The following STK32A variants were observed in gnomAD, a reference collection of about 807,000 sequenced individuals.
The protein encoded by STK32A is serine/threonine kinase 32A.
In STK32A, 41 loss-of-function variants were observed where a neutral mutation model predicts 53.2. That is an observed-to-expected ratio of 0.77 (90% CI 0.60 to 1.00). The LOEUF (loss-of-function observed/expected upper bound fraction) is 1.00, where lower values mean the gene tolerates loss of function less well. Among genes scored for constraint, STK32A ranks in the 50% least tolerant of loss-of-function variants. The pLI is 0.00. For synonymous variants in STK32A, 166 were observed against 162.8 expected (o/e 1.02, Z -0.15); for missense variants, 458 against 485.8 (o/e 0.94, Z 0.54).
chr5:147,301,877 C>T (rs576312746), intron 4 of STK32A, among the ~76,000 whole-genome samples: 1 of 152,308 alleles, frequency 6.6e-6, no homozygotes, highest in East Asian at 1.9e-4. Context: ...TTGAGGCTGC[C>T]TGTATTCTCG....
intron 2 of STK32A, among the ~76,000 whole-genome samples, chr5:147,263,858 G>T (rs73794341): frequency 6.6e-6 from 1 of 152,060 alleles, no homozygotes; most frequent in African/African-American, 2.4e-5. Flanking sequence ...GATTAAAGGA[G>T]CCTATTAAAT....
At chr5:147,290,100 A>T (rs1752529381) in intron 4 of STK32A, among the ~76,000 whole-genome samples, 1 of 152,168 alleles carries the variant, frequency 6.6e-6, no homozygotes, top group Admixed American at 6.5e-5. Context: ...TGTAGTAGAA[A>T]CCCATGCTAT....
At position 147,387,850 on chromosome 5, in the gene STK32A, CA is replaced by C. The variant is rs1757713784; in HGVS notation, c.*3869del. ...TGTGTATTAAAATGTCTTCTGTAAA[CA>C]ATGAGCCACTGACCCTTCTTTGTCA... On this transcript the variant is annotated 3_prime_UTR_variant, in exon 13 of 13. Coordinates refer to ENST00000397936, the MANE Select transcript of STK32A (RefSeq NM_001112724.2). The C allele has an allele frequency of 6.6e-6, 1 of 152,176 alleles. No individual in the cohort carries two copies. The highest frequency in any genetic ancestry group is 2.1e-4 in the South Asian group (1 of 4,826). The allele number at this position is 152,176 out of a possible 1,614,324, so 9.4% of individuals were successfully genotyped here. A position where few individuals can be genotyped will look rare whatever the true frequency, so the allele number is the denominator to read the frequency against.
At chr5:147,397,925 G>A in the STK32A span, 51 of 1,363,234 alleles carry the variant, frequency 3.7e-5, no homozygotes, top group Non-Finnish European at 4.8e-5. Context: ...GACCTTCAGT[G>A]TCATTTGCTG....
chr5:147,389,720 A>T (rs190517877), downstream of STK32A, among the ~76,000 whole-genome samples: 15 of 152,234 alleles, frequency 9.9e-5, no homozygotes, highest in Admixed American at 9.8e-4. Context: ...AATACAAAAA[A>T]TTAGCCGGGT....
intron 4 of STK32A, among the ~76,000 whole-genome samples, chr5:147,309,886 C>A (rs916329093): frequency 2.6e-5 from 4 of 152,112 alleles, no homozygotes; most frequent in African/African-American, 4.8e-5. Flanking sequence ...TTCTCTAAGA[C>A]CCTCAGCATT....
At chr5:147,353,546 G>A (rs1430482990) in intron 7 of STK32A, among the ~76,000 whole-genome samples, 3 of 152,104 alleles carry the variant, frequency 2.0e-5, no homozygotes, top group Non-Finnish European at 4.4e-5. Flanking sequence ...CGGATCACAA[G>A]ATCAAGAGAT....
At chr5:147,359,892 G>A (rs1756416347) in intron 7 of STK32A, among the ~76,000 whole-genome samples, 2 of 152,144 alleles carry the variant, frequency 1.3e-5, no homozygotes, top group South Asian at 4.1e-4. Flanking sequence ...TTGTTCACAG[G>A]ATTTTACTTA....
intron 4 of STK32A, among the ~76,000 whole-genome samples, chr5:147,280,434 G>A (rs1752002899): frequency 1.4e-5 from 2 of 144,772 alleles, no homozygotes; most frequent in South Asian, 4.6e-4. Flanking sequence ...GGGGATGGGG[G>A]AGGGGGGTGG....
the STK32A span, chr5:147,400,966 T>C: frequency 8.5e-7 from 1 of 1,170,068 alleles, no homozygotes; most frequent in Non-Finnish European, 1.2e-6. Flanking sequence ...TACCTCTTAC[T>C]AGATATATGA....
At chr5:147,236,245 T>A (rs1221404641) in intron 1 of STK32A, among the ~76,000 whole-genome samples, 1 of 152,140 alleles carries the variant, frequency 6.6e-6, no homozygotes, top group Non-Finnish European at 1.5e-5. Context: ...AATCTGATAA[T>A]CGGCCAGGTC....
intron 2 of STK32A, among the ~76,000 whole-genome samples, chr5:147,249,223 T>A (rs1256345537): frequency 6.6e-6 from 1 of 152,150 alleles, no homozygotes; most frequent in Non-Finnish European, 1.5e-5. Context: ...TTTTTTTTTA[T>A]AGTGAGAACC....
At chr5:147,366,701 C>T (rs1240869455) in intron 8 of STK32A, among the ~76,000 whole-genome samples, 2 of 152,168 alleles carry the variant, frequency 1.3e-5, no homozygotes, top group Admixed American at 1.3e-4. Context: ...AGGCAAAGAA[C>T]ATTTCCAATT....
chr5:147,250,456 A>G (rs930852948), intron 2 of STK32A, among the ~76,000 whole-genome samples: 2 of 152,170 alleles, frequency 1.3e-5, no homozygotes, highest in Non-Finnish European at 2.9e-5. Context: ...AAGGAAAGAG[A>G]TAGTTGATCA....
chr5:147,324,320 C>T (rs1754472281), intron 5 of STK32A, among the ~76,000 whole-genome samples: 2 of 152,026 alleles, frequency 1.3e-5, no homozygotes, highest in Admixed American at 1.3e-4. Context: ...TATTTTATAA[C>T]TAAGCTTAGA....
In STK32A at chr5:147,370,656, A is replaced by T; in HGVS notation, c.663A>T (p.Arg221Ser). Residue 221 changes from arginine to serine, a missense_variant and splice_region_variant, in exon 9 of 13, where the codon AGA (arginine) becomes AGT (serine). Physicochemically the swap from Arg to Ser is moderately radical, Grantham distance 110. Coordinates refer to ENST00000397936, the MANE Select transcript of STK32A (RefSeq NM_001112724.2). ...TTTTACTTCTTTTCTCCCTTAAGAGACCGTATCATATTCGCTCCAGTACTT... is the reference window on the plus strand; with the variant it reads ...TTTTACTTCTTTTCTCCCTTAAGAGTCCGTATCATATTCGCTCCAGTACTT... ...VTAYELLRGR[R>S]PYHIRSSTSS... is the part of the protein sequence containing the mutation. The T allele has an allele frequency of 6.2e-7, 1 of 1,605,908 alleles. No homozygotes were observed. The highest frequency in any genetic ancestry group is 8.5e-7 in the Non-Finnish European group (1 of 1,173,274).
intron 5 of STK32A, among the ~76,000 whole-genome samples, chr5:147,327,562 T>G (rs1754661665): frequency 6.6e-6 from 1 of 152,212 alleles, no homozygotes. Flanking sequence ...CCGTAAACAG[T>G]CAGCACTACG....
chr5:147,311,533 G>A (rs1001920260), intron 4 of STK32A, among the ~76,000 whole-genome samples: 1 of 152,100 alleles, frequency 6.6e-6, no homozygotes, highest in African/African-American at 2.4e-5. Context: ...ACAATATAAT[G>A]CAATGCAGCC....
At chr5:147,335,103 T>A (rs562877437) in intron 5 of STK32A, among the ~76,000 whole-genome samples, 2 of 152,294 alleles carry the variant, frequency 1.3e-5, no homozygotes, top group East Asian at 3.9e-4. Context: ...TGTACCGTAC[T>A]TACCTATTTT....
Sources: allele counts gnomAD v4.1 joint callset (sites outside exome capture counted in the v4.1 genomes callset), GRCh38; gene constraint gnomAD v4.1.1; transcripts MANE v1.5; gene names NCBI Gene and HGNC (gene_info 2026-07-23, HGNC 2026-07-21).